The following NELL1 variants were observed in gnomAD, a reference collection of about 807,000 sequenced individuals.
NELL1 encodes the protein protein kinase C-binding protein NELL1.
NELL1 carries 76 observed loss-of-function variants against 107.4 expected under a neutral mutation model. The observed-to-expected ratio is 0.71, with a 90% CI of 0.59 to 0.86. NELL1 has a LOEUF of 0.86. Among genes scored for constraint, NELL1 ranks in the 40% least tolerant of loss-of-function variants. NELL1 has a pLI of 0.00. For missense variants in NELL1, 1,024 were observed against 1,005.5 expected, an observed-to-expected ratio of 1.02 and a Z score of -0.25; for synonymous variants, 353 against 341.2, an observed-to-expected ratio of 1.03 and a Z score of -0.38.
intron 3 of NELL1, among the ~76,000 whole-genome samples, chr11:20,814,661 G>A (rs1424607766): frequency 1.3e-5 from 2 of 152,078 alleles, no homozygotes; most frequent in East Asian, 1.9e-4. Flanking sequence ...GTAGTATTCC[G>A]TGGCGTTTAT....
chr11:20,868,792 T>C (rs1266845927), intron 4 of NELL1, among the ~76,000 whole-genome samples: 1 of 152,150 alleles, frequency 6.6e-6, no homozygotes, highest in Admixed American at 6.5e-5. Flanking sequence ...ATAAAAGTAT[T>C]AAATTTTATA....
chr11:20,843,672 TTTAATA>T (rs763095040), intron 3 of NELL1, among the ~76,000 whole-genome samples: 48 of 145,536 alleles, frequency 3.3e-4, no homozygotes, highest in Non-Finnish European at 6.4e-4. Context: ...TATTATATAT[TTTAATA>T]TTATGTATGT....
intron 14 of NELL1, among the ~76,000 whole-genome samples, chr11:21,370,229 T>C (rs1031475841): frequency 6.6e-6 from 1 of 152,006 alleles, no homozygotes; most frequent in Non-Finnish European, 1.5e-5. Context: ...ATCCATACCC[T>C]TGGGACCAGC....
At chr11:20,736,271 C>A (rs772856731) in intron 2 of NELL1, among the ~76,000 whole-genome samples, 1 of 152,080 alleles carries the variant, frequency 6.6e-6, no homozygotes, top group Non-Finnish European at 1.5e-5. Flanking sequence ...TCACGGTGGG[C>A]AGGTGAGAGG....
In NELL1 at chr11:21,533,531, C is replaced by T. The variant is rs139777635; in HGVS notation, c.1646-843C>T. Among the ~76,000 whole-genome samples, 1,448 of 152,274 alleles carry T rather than the reference C, an allele frequency of 9.5e-3. 20 individuals carry two copies. The highest frequency in any genetic ancestry group is 0.033 in the African/African-American group (1,379 of 41,556). ...GAACCCGGTTTAAAAATTGGCAACT[C>T]TGTTTTCTGCAATGGTGTCAATCTC... On this transcript the variant is annotated intron_variant, in intron 15 of 19. Transcript: ENST00000357134.
At chr11:20,769,865 A>G (rs1254068749) in intron 2 of NELL1, among the ~76,000 whole-genome samples, 1 of 152,138 alleles carries the variant, frequency 6.6e-6, no homozygotes, top group Non-Finnish European at 1.5e-5. Context: ...TGAACTTACA[A>G]CTACTCTTGG....
chr11:20,972,333 CAT>C (rs1851518451), intron 12 of NELL1, among the ~76,000 whole-genome samples: 1 of 152,080 alleles, frequency 6.6e-6, no homozygotes, highest in Non-Finnish European at 1.5e-5. Flanking sequence ...AGTCCTAAAA[CAT>C]ATTGTTCAGG....
intron 12 of NELL1, among the ~76,000 whole-genome samples, chr11:21,042,097 C>T (rs1853248983): frequency 6.6e-6 from 1 of 152,178 alleles, no homozygotes; most frequent in Admixed American, 6.5e-5. Flanking sequence ...TGAATCAAGT[C>T]TACTTTTACG....
intron 14 of NELL1, among the ~76,000 whole-genome samples, chr11:21,290,680 T>C (rs1191605664): frequency 1.3e-5 from 2 of 152,210 alleles, no homozygotes; most frequent in Admixed American, 1.3e-4. Context: ...CTGCAGCCTC[T>C]GCTGGTGATA....
intron 15 of NELL1, among the ~76,000 whole-genome samples, chr11:21,510,139 A>G (rs11605551): frequency 0.16 from 24,466 of 152,172 alleles, 2,041 homozygotes; most frequent in Admixed American, 0.17. Context: ...AGGACTTTAC[A>G]TGATTCTGTA....
chr11:21,158,807 G>C (rs1285964827), intron 13 of NELL1, among the ~76,000 whole-genome samples: 2 of 152,020 alleles, frequency 1.3e-5, no homozygotes, highest in Non-Finnish European at 2.9e-5. Context: ...ATTTATTATA[G>C]AGTAATAAAA....
At chr11:20,916,171 G>C (rs1850251534) in intron 5 of NELL1, among the ~76,000 whole-genome samples, 1 of 151,822 alleles carries the variant, frequency 6.6e-6, no homozygotes, top group Admixed American at 6.6e-5. Context: ...GTGTTAATGA[G>C]CATTGGGAAG....
chr11:21,028,231 A>G (rs1451690962), intron 12 of NELL1, among the ~76,000 whole-genome samples: 2 of 152,182 alleles, frequency 1.3e-5, no homozygotes, highest in Admixed American at 6.6e-5. Context: ...ATTAGTCCAG[A>G]GAAAATAGCA....
intron 12 of NELL1, among the ~76,000 whole-genome samples, chr11:21,017,814 G>A (rs1397903150): frequency 1.3e-5 from 2 of 152,024 alleles, no homozygotes; most frequent in Non-Finnish European, 2.9e-5. Flanking sequence ...ATCACGAGGA[G>A]CTCCCCATCT....
At chr11:20,823,303 T>C (rs1010329684) in intron 3 of NELL1, among the ~76,000 whole-genome samples, 3 of 151,092 alleles carry the variant, frequency 2.0e-5, no homozygotes, top group African/African-American at 4.8e-5. Flanking sequence ...GTGAGACTTA[T>C]ATCTACCACC....
In NELL1 at chr11:20,877,907, C is replaced by T. The variant is rs75900648; in HGVS notation, c.507-7537C>T. 8.5e-3 allele frequency among the ~76,000 whole-genome samples: 1,301 copies of T among 152,216 alleles called. 17 individuals carry two copies. Among genetic ancestry groups the T allele is most frequent in the African/African-American group, 0.03 (1,246 of 41,528 alleles). ...TGAATACAAAGCCTGAGACTCATGT[C>T]TAATGGGAAGTGGGTGTTCTTCAGC... On this transcript the variant is annotated intron_variant, in intron 4 of 19. Transcript: ENST00000357134.
At chr11:20,924,518 C>T (rs1432991758) in intron 7 of NELL1, among the ~76,000 whole-genome samples, 2 of 152,188 alleles carry the variant, frequency 1.3e-5, no homozygotes, top group Non-Finnish European at 2.9e-5. Flanking sequence ...CACAGCTCAG[C>T]TTTGTGGGAC....
At chr11:20,693,688 A>T (rs1854534742) in intron 2 of NELL1, among the ~76,000 whole-genome samples, 1 of 151,896 alleles carries the variant, frequency 6.6e-6, no homozygotes, top group Admixed American at 6.6e-5. Flanking sequence ...TTTGAGGGTA[A>T]CCCGACCTTT....
chr11:20,903,581 G>A (rs1193148091), intron 5 of NELL1, among the ~76,000 whole-genome samples: 1 of 151,966 alleles, frequency 6.6e-6, no homozygotes, highest in African/African-American at 2.4e-5. Flanking sequence ...CTAGATTATG[G>A]TTTTGCCTTA....
Sources: allele counts gnomAD v4.1 joint callset (sites outside exome capture counted in the v4.1 genomes callset), GRCh38; gene constraint gnomAD v4.1.1; transcripts MANE v1.5; gene names NCBI Gene and HGNC (gene_info 2026-07-23, HGNC 2026-07-21).